The following DLGAP2 variants were observed in gnomAD, a reference collection of about 807,000 sequenced individuals.
The protein encoded by DLGAP2 is disks large-associated protein 2.
Under a neutral mutation model 100.3 loss-of-function variants are expected in DLGAP2, and 26 were observed. The ratio of observed to expected loss-of-function variants is 0.26; its 90% CI spans 0.19 to 0.36. The LOEUF is 0.36. DLGAP2 is among the 10% of genes least tolerant of loss of function. The pLI is 1.00. For missense variants in DLGAP2, 1,858 were observed against 1,453.2 expected, an observed-to-expected ratio of 1.28 and a Z score of -4.53; for synonymous variants, 886 against 630.1, an observed-to-expected ratio of 1.41 and a Z score of -6.08.
In DLGAP2 at chr8:1,180,709, G is replaced by T. The variant is rs528899582; in HGVS notation, c.74-78142G>T. On this transcript the variant is annotated intron_variant, in intron 2 of 14. Transcript: ENST00000637795. Reference sequence around the variant, plus strand: ...GTACAATTACCGTCGAGTGTGTGTGGGTGTGCAAGGGCAGCACACTTACCA... The same window carrying T: ...GTACAATTACCGTCGAGTGTGTGTGTGTGTGCAAGGGCAGCACACTTACCA... Among the ~76,000 whole-genome samples the T allele has an allele frequency of 9.3e-5, 14 of 151,180 alleles. No homozygotes were observed. In the South Asian group the frequency reaches 2.9e-3, roughly 32 times the overall value.
At chr8:901,024 C>G (rs550464454) in intron 1 of DLGAP2, among the ~76,000 whole-genome samples, 2 of 152,182 alleles carry the variant, frequency 1.3e-5, no homozygotes, top group Non-Finnish European at 2.9e-5. Context: ...GGTGTAGTGG[C>G]TCATGCCTGA....
intron 2 of DLGAP2, among the ~76,000 whole-genome samples, chr8:1,233,186 G>C (rs1023232748): frequency 6.6e-6 from 1 of 152,186 alleles, no homozygotes; most frequent in African/African-American, 2.4e-5. Flanking sequence ...GTATTTATCT[G>C]TTTGTCACTC....
intron 1 of DLGAP2, among the ~76,000 whole-genome samples, chr8:790,491 A>C (rs1821996918): frequency 1.3e-5 from 2 of 152,312 alleles, no homozygotes; most frequent in Non-Finnish European, 2.9e-5. Context: ...CTTAGCATAG[A>C]GATCAGAATG....
At chr8:802,455 C>A (rs988300346) in intron 1 of DLGAP2, among the ~76,000 whole-genome samples, 1 of 152,336 alleles carries the variant, frequency 6.6e-6, no homozygotes, top group Admixed American at 6.5e-5. Context: ...TCAGCGGGTC[C>A]CGCATTGGGG....
At chr8:767,900 C>G (rs1821255717) in intron 1 of DLGAP2, among the ~76,000 whole-genome samples, 1 of 152,140 alleles carries the variant, frequency 6.6e-6, no homozygotes. Flanking sequence ...TCATTTGTGC[C>G]AGTGATGACA....
chr8:854,871 C>A (rs774107179), intron 1 of DLGAP2, among the ~76,000 whole-genome samples: 65 of 152,312 alleles, frequency 4.3e-4, no homozygotes, highest in African/African-American at 7.5e-4. Context: ...GGGAAATGCT[C>A]CCACAGGTAT....
chr8:1,306,047 G>A (rs545927448), intron 3 of DLGAP2, among the ~76,000 whole-genome samples: 20 of 134,282 alleles, frequency 1.5e-4, no homozygotes, highest in Non-Finnish European at 3.0e-4. Flanking sequence ...CATCATAGTA[G>A]TAGAAGTCCT....
chr8:1,331,968 C>A lies in DLGAP2; in HGVS notation c.106+73085C>A, dbSNP rs1243177745. Among the ~76,000 whole-genome samples, 3 of 152,220 alleles carry A rather than the reference C, an allele frequency of 2.0e-5. No individual in the cohort carries two copies. In the East Asian group the frequency reaches 5.8e-4, roughly 30 times the overall value. The stretch of plus-strand genomic sequence containing the variant: ...GGAGGGCACAGCCACCTCCTGCCAA[C>A]CCCCTGAACAGCCCCAGGGTGGGCC... On this transcript the variant is annotated intron_variant, in intron 3 of 14. Transcript: ENST00000637795.
At chr8:1,245,496 A>AC (rs1451179863) in intron 2 of DLGAP2, among the ~76,000 whole-genome samples, 2 of 152,212 alleles carry the variant, frequency 1.3e-5, no homozygotes, top group East Asian at 3.9e-4. Flanking sequence ...AGTCATGAAA[A>AC]CCACAGATAG....
At chr8:1,166,075 A>G (rs1464986848) in intron 2 of DLGAP2, among the ~76,000 whole-genome samples, 1 of 152,248 alleles carries the variant, frequency 6.6e-6, no homozygotes, top group Admixed American at 6.5e-5. Context: ...TTATCTAAAG[A>G]GGAGGCTCTT....
At chr8:1,002,290 G>C (rs1033882325) in intron 2 of DLGAP2, 1 of 152,110 alleles carries the variant, frequency 6.6e-6, no homozygotes, top group Non-Finnish European at 1.5e-5. Flanking sequence ...CTTCCTCCGG[G>C]GTCTGTGACC....
chr8:1,388,684 AG>A (rs1484574747), intron 3 of DLGAP2, among the ~76,000 whole-genome samples: 1 of 83,898 alleles, frequency 1.2e-5, no homozygotes, highest in African/African-American at 4.3e-5. Context: ...GCGCTGGTTC[AG>A]GTGTCAGGGC....
intron 3 of DLGAP2, among the ~76,000 whole-genome samples, chr8:1,292,298 C>T (rs1800075910): frequency 6.6e-6 from 1 of 152,162 alleles, no homozygotes; most frequent in South Asian, 2.1e-4. Context: ...TGTGGAAGGA[C>T]AGGAGGAGAG....
intron 2 of DLGAP2, among the ~76,000 whole-genome samples, chr8:1,079,158 G>C (rs926472069): frequency 1.3e-5 from 2 of 152,202 alleles, no homozygotes; most frequent in Admixed American, 6.5e-5. Context: ...AAGTGGTGTG[G>C]AGTGTCTTTT....
intron 2 of DLGAP2, among the ~76,000 whole-genome samples, chr8:1,132,617 C>G (rs1024910391): frequency 6.6e-6 from 1 of 152,180 alleles, no homozygotes; most frequent in Non-Finnish European, 1.5e-5. Flanking sequence ...ATGCTCACAC[C>G]GAAGTTTTGG....
At chr8:1,048,515 G>A (rs963926347) in intron 2 of DLGAP2, among the ~76,000 whole-genome samples, 1 of 151,716 alleles carries the variant, frequency 6.6e-6, no homozygotes, top group Admixed American at 6.6e-5. Flanking sequence ...GCTATACTCC[G>A]CAAGGCCCCT....
At chr8:1,620,121 G>A (rs1022462561) in intron 6 of DLGAP2, among the ~76,000 whole-genome samples, 13 of 152,104 alleles carry the variant, frequency 8.5e-5, no homozygotes, top group African/African-American at 2.9e-4. Flanking sequence ...TTGTTCAAAA[G>A]TTCCACTCAT....
intron 2 of DLGAP2, among the ~76,000 whole-genome samples, chr8:1,133,297 C>G (rs1228121876): frequency 1.3e-5 from 2 of 152,050 alleles, no homozygotes; most frequent in African/African-American, 4.8e-5. Context: ...GGGGGGTTTC[C>G]AGTTCATTTC....
intron 3 of DLGAP2, among the ~76,000 whole-genome samples, chr8:1,313,450 C>A (rs1385398893): frequency 6.6e-6 from 1 of 152,126 alleles, no homozygotes; most frequent in Non-Finnish European, 1.5e-5. Flanking sequence ...CCTATAATCT[C>A]CCCTATACTC....
Sources: allele counts gnomAD v4.1 joint callset (sites outside exome capture counted in the v4.1 genomes callset), GRCh38; gene constraint gnomAD v4.1.1; transcripts MANE v1.5; gene names NCBI Gene and HGNC (gene_info 2026-07-23, HGNC 2026-07-21).